Variants in NRXN3 observed in about 807,000 individuals in gnomAD.
NRXN3 encodes the protein neurexin 3, also known as neurexin III.
NRXN3 carries 32 observed loss-of-function variants against 137.6 expected under a neutral mutation model. That is an observed-to-expected ratio of 0.23 (90% confidence interval 0.18 to 0.31). The LOEUF is 0.31. NRXN3 is among the 10% of genes least tolerant of loss of function. NRXN3 has a pLI of 1.00. For missense variants in NRXN3, 1,574 were observed against 2,062.5 expected, an observed-to-expected ratio of 0.76 and a Z score of 4.59; for synonymous variants, 798 against 784.5, an observed-to-expected ratio of 1.02 and a Z score of -0.29.
At chr14:78,449,713 G>C (rs1187944101) in intron 4 of NRXN3, among the ~76,000 whole-genome samples, 1 of 152,206 alleles carries the variant, frequency 6.6e-6, no homozygotes, top group African/African-American at 2.4e-5. Context: ...GGAAGAGTAA[G>C]TGATTTTCTC....
chr14:78,767,738 A>G (rs1349585535), intron 8 of NRXN3, among the ~76,000 whole-genome samples: 1 of 152,204 alleles, frequency 6.6e-6, no homozygotes, highest in Non-Finnish European at 1.5e-5. Context: ...GCTTTAAAAG[A>G]CAACACACTA....
chr14:78,235,014 ATATATATATG>A (rs1463537934), intron 1 of NRXN3, among the ~76,000 whole-genome samples: 2 of 96,250 alleles, frequency 2.1e-5, no homozygotes, highest in South Asian at 3.6e-4. Flanking sequence ...ATATATATAT[ATATATATATG>A]TGTATATATA....
chr14:79,781,193 C>A (rs1015515413), intron 19 of NRXN3, among the ~76,000 whole-genome samples: 1 of 151,966 alleles, frequency 6.6e-6, no homozygotes. Flanking sequence ...TCAGTCTTTC[C>A]GCTTATCTAT....
chr14:78,931,253 G>C (rs969863357), intron 10 of NRXN3, among the ~76,000 whole-genome samples: 2 of 152,090 alleles, frequency 1.3e-5, no homozygotes, highest in African/African-American at 4.8e-5. Context: ...AGACCTTGGG[G>C]ATATAGCATG....
chr14:79,172,001 C>T (rs1335696394), intron 15 of NRXN3, among the ~76,000 whole-genome samples: 1 of 151,878 alleles, frequency 6.6e-6, no homozygotes, highest in Non-Finnish European at 1.5e-5. Context: ...AAATTAAAAG[C>T]AAAACAAGAC....
In NRXN3 at chr14:79,861,826, G is replaced by T; in HGVS notation, c.4578G>T (p.Gly1526=). 1 of 1,614,066 alleles carries T rather than the reference G, an allele frequency of 6.2e-7. No individual in the cohort carries two copies. The highest frequency in any genetic ancestry group is 8.5e-7 in the Non-Finnish European group (1 of 1,180,026). Residue 1526 remains glycine, a synonymous_variant, in exon 21 of 21, where the codon GGG becomes GGT. Transcript: ENST00000335750. The surrounding 1 kb of genome is among the most constrained non-coding windows in gnomAD (Gnocchi z 5.4). The stretch of plus-strand genomic sequence containing the variant: ...ACAAGTACAGGAACAGGGACGAGGG[G>T]TCCTATCAAGTGGACGAGACGCGGA... The part of the protein sequence containing the change: ...AMYKYRNRDE[G]SYQVDETRNY...
chr14:78,849,009 T>G (rs1247505279), intron 10 of NRXN3, among the ~76,000 whole-genome samples: 2 of 152,078 alleles, frequency 1.3e-5, no homozygotes, highest in Non-Finnish European at 2.9e-5. Flanking sequence ...TAAGTAATTA[T>G]GCACAGAGAA....
intron 16 of NRXN3, among the ~76,000 whole-genome samples, chr14:79,618,697 T>C (rs958121109): frequency 1.3e-5 from 2 of 152,134 alleles, no homozygotes; most frequent in Admixed American, 1.3e-4. Context: ...TAATTTGTAT[T>C]CCTTTGGGTA....
intron 15 of NRXN3, chr14:79,280,709 A>T (rs576891386): frequency 1.5e-6 from 1 of 675,628 alleles, no homozygotes; most frequent in East Asian, 2.7e-5. Context: ...CATAAAGGTT[A>T]GTGTTTTCTG....
intron 4 of NRXN3, among the ~76,000 whole-genome samples, chr14:78,502,158 C>A (rs1415978858): frequency 6.6e-6 from 1 of 152,108 alleles, no homozygotes; most frequent in Admixed American, 6.5e-5. Flanking sequence ...TGTTGAGAGG[C>A]CTGTCCATCT....
chr14:79,016,482 C>T (rs908538432), intron 15 of NRXN3, among the ~76,000 whole-genome samples: 3 of 152,128 alleles, frequency 2.0e-5, no homozygotes, highest in Non-Finnish European at 1.5e-5. Flanking sequence ...TTTTATCCAC[C>T]TAGTTTATAC....
intron 16 of NRXN3, among the ~76,000 whole-genome samples, chr14:79,524,731 A>G (rs905329211): frequency 6.6e-6 from 1 of 152,216 alleles, no homozygotes; most frequent in Non-Finnish European, 1.5e-5. Context: ...GATCAGAGAA[A>G]AAGTGTACAC....
chr14:79,302,780 C>T (rs1306154638), intron 15 of NRXN3, among the ~76,000 whole-genome samples: 1 of 151,958 alleles, frequency 6.6e-6, no homozygotes, highest in African/African-American at 2.4e-5. Context: ...CACCTTCTGC[C>T]ATGATTGTAA....
chr14:79,413,582 G>A (rs1237877949), intron 15 of NRXN3, among the ~76,000 whole-genome samples: 2 of 152,042 alleles, frequency 1.3e-5, no homozygotes, highest in Non-Finnish European at 2.9e-5. Flanking sequence ...TGCTACTGAG[G>A]TTGGCCTGCT....
intron 19 of NRXN3, among the ~76,000 whole-genome samples, chr14:79,744,029 C>T (rs995629287): frequency 6.6e-6 from 1 of 152,116 alleles, no homozygotes; most frequent in African/African-American, 2.4e-5. Flanking sequence ...CCTCTTGCTT[C>T]CTAATACTTA....
intron 15 of NRXN3, among the ~76,000 whole-genome samples, chr14:79,253,683 G>A (rs993310700): frequency 3.9e-5 from 6 of 152,176 alleles, no homozygotes; most frequent in Non-Finnish European, 7.3e-5. Context: ...TCACAAGGCG[G>A]CAGGAAAAGA....
intron 16 of NRXN3, among the ~76,000 whole-genome samples, chr14:79,563,352 G>C (rs2097519147): frequency 6.6e-6 from 1 of 152,014 alleles, no homozygotes; most frequent in Admixed American, 6.6e-5. Flanking sequence ...CCCTTCACTT[G>C]TGCCCTAAGG....
intron 8 of NRXN3, among the ~76,000 whole-genome samples, chr14:78,778,889 T>C (rs1340890903): frequency 6.6e-6 from 1 of 151,524 alleles, no homozygotes; most frequent in Non-Finnish European, 1.5e-5. Flanking sequence ...CTATCAATTC[T>C]ACAGATAGTT....
At position 78,949,409 on chromosome 14, in the gene NRXN3, C is replaced by T. The variant is rs565176556; in HGVS notation, c.2276-7833C>T. 2.2e-4 allele frequency among the ~76,000 whole-genome samples: 34 copies of T among 152,064 alleles called. No individual in the cohort carries two copies. In the South Asian group the frequency reaches 6.9e-3, roughly 31 times the overall value. ...ACAGTCTGCAGCTCTCTTCAGCTCCCCCTCCATTTCTTCTCTCCCCCTCAA... is the reference window on the plus strand; with the variant it reads ...ACAGTCTGCAGCTCTCTTCAGCTCCTCCTCCATTTCTTCTCTCCCCCTCAA... On this transcript the variant is annotated intron_variant, in intron 10 of 20. Transcript: ENST00000335750.
Sources: allele counts gnomAD v4.1 joint callset (sites outside exome capture counted in the v4.1 genomes callset), GRCh38; gene constraint gnomAD v4.1.1; non-coding constraint Gnocchi (gnomAD v3.1); transcripts MANE v1.5; gene names NCBI Gene and HGNC (gene_info 2026-07-23, HGNC 2026-07-21).